The following NOM1 variants were observed in gnomAD, a reference collection of about 807,000 sequenced individuals.
The protein encoded by NOM1 is nucleolar protein with MIF4G domain 1.
Under a neutral mutation model 73.3 loss-of-function variants are expected in NOM1, and 58 were observed. That is an observed-to-expected ratio of 0.79 (90% CI 0.64 to 0.99). NOM1 has a LOEUF of 0.99. Among genes scored for constraint, NOM1 ranks in the 50% least tolerant of loss-of-function variants. The probability of loss-of-function intolerance (pLI) is 0.00; values close to 1 mark genes in which losing one functional copy is unlikely to be tolerated. For synonymous variants in NOM1, 487 were observed against 446.8 expected, an observed-to-expected ratio of 1.09 and a Z score of -1.14; for missense variants, 1,226 against 1,131.9, an observed-to-expected ratio of 1.08 and a Z score of -1.19.
intron 3 of NOM1, chr7:156,958,618 G>A (rs568382732): frequency 1.3e-5 from 2 of 152,286 alleles, no homozygotes; most frequent in South Asian, 2.1e-4. Context: ...AAAAAACAGG[G>A]TTCCAGGAAC....
At chr7:156,963,543 T>G (rs1804921295) in intron 6 of NOM1, 1 of 385,304 alleles carries the variant, frequency 2.6e-6, no homozygotes, top group African/African-American at 2.0e-5. Context: ...AAGCCCATTT[T>G]TCATCCAGAC....
At position 156,950,375 on chromosome 7, in the gene NOM1, G is replaced by C. The variant is rs768511724; in HGVS notation, c.638G>C (p.Arg213Pro). The part of the protein sequence containing the change: ...GSSSVPLSFA[R>P]DGLDYILGAL... ...AGCTCCGTGCCGCTGAGCTTTGCAC[G>C]CGACGGTCTTGACTATATTCTGGGA... The change falls in exon 1 of 11, where the codon CGC becomes CCC. Residue 213 changes from arginine to proline, a missense_variant. Coordinates refer to ENST00000275820, the MANE Select transcript of NOM1 (RefSeq NM_138400.2). 1.2e-6 allele frequency: 2 copies of C among 1,614,244 alleles called. No homozygotes were observed. The highest frequency in any genetic ancestry group is 1.7e-6 in the Non-Finnish European group (2 of 1,180,042).
intron 3 of NOM1, among the ~76,000 whole-genome samples, chr7:156,955,492 T>C (rs1267544930): frequency 1.3e-5 from 2 of 152,228 alleles, no homozygotes; most frequent in East Asian, 1.9e-4. Context: ...TAGTCTCTTT[T>C]AATGGTGGTT....
chr7:156,964,809 T>G (rs1464076058), intron 7 of NOM1, among the ~76,000 whole-genome samples: 1 of 152,154 alleles, frequency 6.6e-6, no homozygotes, highest in Non-Finnish European at 1.5e-5. Context: ...CTTGCCGTTT[T>G]GCCGAAAACC....
chr7:156,961,101 G>A (rs1438787155), intron 4 of NOM1, among the ~76,000 whole-genome samples: 1 of 152,186 alleles, frequency 6.6e-6, no homozygotes, highest in Non-Finnish European at 1.5e-5. Flanking sequence ...GGTCCTGGGA[G>A]CCATGGAAAT....
rs1383534680 is a variant in NOM1 at position 156,952,472 on chromosome 7, A to G, written c.988-2A>G. 2 of 1,606,924 alleles carry G rather than the reference A, an allele frequency of 1.2e-6. No homozygotes were observed. Among genetic ancestry groups the G allele is most frequent in the African/African-American group, 2.7e-5 (2 of 74,306 alleles). On this transcript the variant is annotated splice_acceptor_variant, in intron 1 of 10. Coordinates refer to ENST00000275820, the MANE Select transcript of NOM1 (RefSeq NM_138400.2). LOFTEE classifies it high-confidence loss of function. ...TTGTAATTTATTTCTCTTTTCAAGC[A>G]GAGTCTTTGTGGAAGTGGTGAAAAG...
chr7:156,968,770 G>T, intron 9 of NOM1: 2 of 154,750 alleles, frequency 1.3e-5, no homozygotes, highest in Non-Finnish European at 2.7e-5. Context: ...GGGAATGGAG[G>T]TAATTTATGG....
At chr7:156,962,543 G>A (rs377615259) in intron 5 of NOM1, among the ~76,000 whole-genome samples, 52 of 152,310 alleles carry the variant, frequency 3.4e-4, no homozygotes, top group African/African-American at 1.2e-3. Context: ...TGGATCATCC[G>A]ATGCTTTCAG....
chr7:156,962,872 C>T (rs1002810985), intron 5 of NOM1, 136 bp from the exon 6 acceptor site: 20 of 941,332 alleles, frequency 2.1e-5, no homozygotes, highest in Middle Eastern at 2.2e-4. Context: ...ACAGGCTAAC[C>T]GTCCCAATTG....
chr7:156,966,885 T>G, intron 8 of NOM1, 76 bp from the exon 9 acceptor site: 1 of 1,395,692 alleles, frequency 7.2e-7, no homozygotes, highest in Non-Finnish European at 9.7e-7. Flanking sequence ...AAAATACCTT[T>G]AGGTTATGTT....
Position 156,954,095 on chromosome 7 carries a change from C to A in NOM1, c.1113-8C>A, listed in dbSNP as rs185816769. Reference sequence around the variant, plus strand: ...ATTGTTGCTCTCTGTCTTTACAATTCTCTGCAGGTTGAGTGAACCCAACAT... The same window carrying A: ...ATTGTTGCTCTCTGTCTTTACAATTATCTGCAGGTTGAGTGAACCCAACAT... On this transcript the variant is annotated splice_region_variant and splice_polypyrimidine_tract_variant and intron_variant, in intron 2 of 10. Transcript: ENST00000275820. The A allele has an allele frequency of 3.1e-6, 5 of 1,598,916 alleles. No individual in the cohort carries two copies. The highest frequency in any genetic ancestry group is 3.6e-5 in the Admixed American group (2 of 55,148).
At chr7:156,956,525 T>C (rs190783878) in intron 3 of NOM1, among the ~76,000 whole-genome samples, 19 of 152,342 alleles carry the variant, frequency 1.2e-4, no homozygotes, top group Admixed American at 9.1e-4. Flanking sequence ...CCACTGCTGA[T>C]TTCTTTGTTG....
At chr7:156,963,702 T>C in intron 6 of NOM1, 2 of 492,594 alleles carry the variant, frequency 4.1e-6, no homozygotes, top group Non-Finnish European at 7.1e-6. Flanking sequence ...GCCTCCCACA[T>C]GAGTGTTTTC....
rs1804518448 is a variant in NOM1 at position 156,949,722 on chromosome 7, C to A, written c.-16C>A. The A allele has an allele frequency of 7.5e-7, 1 of 1,340,768 alleles. No individual in the cohort carries two copies. Among genetic ancestry groups the A allele is most frequent in the Non-Finnish European group, 9.5e-7 (1 of 1,051,346 alleles). 83.1% of individuals were successfully genotyped at this position (1,340,768 alleles called of 1,614,324 possible). ...CCCGCCTCGGCCGGAAGTCGTGCGT[C>A]CACGCGTTTCGAAAGATGGCGGCGT... On this transcript the variant is annotated 5_prime_UTR_variant, in exon 1 of 11. Coordinates refer to ENST00000275820, the MANE Select transcript of NOM1 (RefSeq NM_138400.2).
chr7:156,953,224 G>C (rs1804636879), intron 2 of NOM1, among the ~76,000 whole-genome samples: 1 of 152,146 alleles, frequency 6.6e-6, no homozygotes, highest in African/African-American at 2.4e-5. Flanking sequence ...CCACCTCCCA[G>C]GTTCAAGCAG....
chr7:156,954,038 T>A lies in NOM1; in HGVS notation c.1113-65T>A, dbSNP rs1804657741. The A allele has an allele frequency of 3.5e-6, 5 of 1,433,136 alleles. No homozygotes were observed. The South Asian group carries it at 3.8e-5, about 11-fold the overall frequency. 88.8% of individuals were successfully genotyped at this position (1,433,136 alleles called of 1,614,324 possible). ...TGGTATGGATAACTCTTTAATTTTT[T>A]AAAATTGAACTGAAAATTCCTAATT... On this transcript the variant is annotated intron_variant, in intron 2 of 10. Transcript: ENST00000275820.
chr7:156,969,377 G>T, intron 10 of NOM1, 152 bp from the exon 11 acceptor site: 2 of 764,256 alleles, frequency 2.6e-6, no homozygotes, highest in Non-Finnish European at 4.1e-6. Flanking sequence ...AACTAACAAT[G>T]ATTGTTAATA....
chr7:156,969,981 T>C lies in NOM1; in HGVS notation c.*278T>C, dbSNP rs1462107427. The stretch of plus-strand genomic sequence containing the variant: ...AAGCAGTGAGGCTGGTGTGTATGAT[T>C]GTCTTAAAATTTTTTAATAGATATG... On this transcript the variant is annotated 3_prime_UTR_variant, in exon 11 of 11. Transcript: ENST00000275820. 1 of 217,628 alleles carries C rather than the reference T, an allele frequency of 4.6e-6. No homozygotes were observed. The highest frequency in any genetic ancestry group is 9.4e-5 in the East Asian group (1 of 10,606). 13.5% of individuals were successfully genotyped at this position (217,628 alleles called of 1,614,324 possible).
In NOM1 at chr7:156,960,010, C is replaced by G. The variant is rs1563682287; in HGVS notation, c.1468C>G (p.Leu490Val). Residue 490 changes from leucine (L) to valine (V), a missense_variant, in exon 4 of 11, where the codon CTG becomes GTG. Transcript: ENST00000275820. The stretch of plus-strand genomic sequence containing the variant: ...CCTCATCTTCGACATTTTGAAAAAA[C>G]TGATTGGAACTTTCACCGAAAAAGA... Reference protein sequence around the residue: ...SLLIFDILKKLIGTFTEKDIE... With the variant: ...SLLIFDILKKVIGTFTEKDIE... The G allele has an allele frequency of 1.2e-6, 2 of 1,614,158 alleles. No homozygotes were observed. Among genetic ancestry groups the G allele is most frequent in the Middle Eastern group, 1.6e-4 (1 of 6,062 alleles).
Sources: allele counts gnomAD v4.1 joint callset (sites outside exome capture counted in the v4.1 genomes callset), GRCh38; gene constraint gnomAD v4.1.1; transcripts MANE v1.5; gene names NCBI Gene and HGNC (gene_info 2026-07-23, HGNC 2026-07-21).